Variants in MYO16 observed in about 807,000 individuals in gnomAD.
The protein encoded by MYO16 is unconventional myosin-XVI.
MYO16 carries 94 observed loss-of-function variants against 205.3 expected under a neutral mutation model. The ratio of observed to expected loss-of-function variants is 0.46; its 90% CI spans 0.39 to 0.54. MYO16 has a LOEUF of 0.54. Ranked by LOEUF, MYO16 falls within the 20% of genes least tolerant of loss-of-function variation. The probability of loss-of-function intolerance (pLI) is 0.00; values close to 1 mark genes in which losing one functional copy is unlikely to be tolerated. For missense variants in MYO16, 2,315 were observed against 2,387.5 expected (o/e 0.97, Z 0.63); for synonymous variants, 988 against 954.0 (o/e 1.04, Z -0.66).
intron 28 of MYO16, among the ~76,000 whole-genome samples, chr13:109,115,766 A>G (rs955209958): frequency 6.6e-6 from 1 of 152,218 alleles, no homozygotes; most frequent in African/African-American, 2.4e-5. Context: ...TTCAGAATAT[A>G]TGTGATCTTA....
intron 29 of MYO16, among the ~76,000 whole-genome samples, chr13:109,123,480 A>C (rs1876093859): frequency 6.6e-6 from 1 of 152,166 alleles, no homozygotes; most frequent in Non-Finnish European, 1.5e-5. Context: ...ACGAGTGAAC[A>C]GGCCAATTTC....
chr13:108,991,949 T>C (rs1884847124), intron 20 of MYO16, among the ~76,000 whole-genome samples: 1 of 152,230 alleles, frequency 6.6e-6, no homozygotes, highest in Non-Finnish European at 1.5e-5. Flanking sequence ...TTTTTAAGTT[T>C]AAGGGTGCAT....
chr13:109,013,651 T>C (rs995682314), intron 22 of MYO16, among the ~76,000 whole-genome samples: 2 of 152,134 alleles, frequency 1.3e-5, no homozygotes, highest in Non-Finnish European at 2.9e-5. Flanking sequence ...TTTTAATGAT[T>C]GCCATTCTAA....
intron 23 of MYO16, among the ~76,000 whole-genome samples, chr13:109,023,760 AAT>A (rs1485010360): frequency 1.9e-4 from 20 of 104,906 alleles, no homozygotes; most frequent in Admixed American, 2.0e-4. Flanking sequence ...TATGTATACA[AAT>A]ATGTTTTTAT....
At chr13:108,736,142 T>A (rs195255) in intron 4 of MYO16, among the ~76,000 whole-genome samples, 55 of 152,258 alleles carry the variant, frequency 3.6e-4, no homozygotes, top group African/African-American at 1.1e-3. Context: ...GGAGCTCTTT[T>A]GTTTAATTAG....
the MYO16 span, among the ~76,000 whole-genome samples, chr13:108,497,958 T>C: frequency 3.9e-5 from 6 of 152,322 alleles, no homozygotes; most frequent in Non-Finnish European, 8.8e-5. Flanking sequence ...ATAAAATCTG[T>C]TGGGTGAAGC....
chr13:108,864,251 CT>C (rs1878595611), intron 11 of MYO16, among the ~76,000 whole-genome samples: 1 of 151,810 alleles, frequency 6.6e-6, no homozygotes, highest in African/African-American at 2.4e-5. Flanking sequence ...ATTATCACTC[CT>C]TTTTTCCTTT....
intron 27 of MYO16, among the ~76,000 whole-genome samples, chr13:109,079,435 T>C (rs1284697747): frequency 1.3e-5 from 2 of 151,894 alleles, no homozygotes; most frequent in African/African-American, 4.8e-5. Context: ...TATGCAGCCA[T>C]AAAATTGAAT....
chr13:108,522,417 G>C, the MYO16 span, among the ~76,000 whole-genome samples: 2 of 152,184 alleles, frequency 1.3e-5, no homozygotes, highest in Admixed American at 1.3e-4. Context: ...CTTGAATCCT[G>C]TAATTTCTAA....
At chr13:109,116,716 TTGTC>T in intron 28 of MYO16, among the ~76,000 whole-genome samples, 1 of 152,322 alleles carries the variant, frequency 6.6e-6, no homozygotes, top group East Asian at 1.9e-4. Flanking sequence ...CCTACTTCCT[TTGTC>T]TGAGAGGAGG....
intron 4 of MYO16, among the ~76,000 whole-genome samples, chr13:108,738,888 G>A (rs1278767810): frequency 1.3e-5 from 2 of 152,184 alleles, no homozygotes; most frequent in Admixed American, 6.5e-5. Context: ...TTACTGTTAT[G>A]TAATGGCCTT....
At chr13:108,688,904 C>T (rs1257467902) in intron 2 of MYO16, among the ~76,000 whole-genome samples, 1 of 152,132 alleles carries the variant, frequency 6.6e-6, no homozygotes, top group East Asian at 1.9e-4. Flanking sequence ...GCCTCGGTTT[C>T]CTTACTAACC....
chr13:108,823,489 A>G (rs1412332622), intron 9 of MYO16, among the ~76,000 whole-genome samples: 1 of 152,196 alleles, frequency 6.6e-6, no homozygotes, highest in Admixed American at 6.6e-5. Context: ...TTACTATATC[A>G]GTTATTAAAT....
At chr13:108,958,502 T>C (rs1249309075) in intron 17 of MYO16, among the ~76,000 whole-genome samples, 1 of 152,136 alleles carries the variant, frequency 6.6e-6, no homozygotes, top group Non-Finnish European at 1.5e-5. Flanking sequence ...AACTTTTAGA[T>C]CATGGCCGTG....
chr13:108,812,702 T>A (rs1358472597), intron 7 of MYO16, among the ~76,000 whole-genome samples: 5 of 152,134 alleles, frequency 3.3e-5, no homozygotes, highest in African/African-American at 7.2e-5. Context: ...TCAAAATTAA[T>A]CCCCAGTGCA....
chr13:109,046,347 C>T (rs1005420132), intron 23 of MYO16, among the ~76,000 whole-genome samples: 1 of 152,174 alleles, frequency 6.6e-6, no homozygotes, highest in African/African-American at 2.4e-5. Context: ...TCAAGTTTCT[C>T]AGCCTCTACT....
At chr13:109,066,837 C>T (rs1234605540) in intron 27 of MYO16, among the ~76,000 whole-genome samples, 1 of 152,110 alleles carries the variant, frequency 6.6e-6, no homozygotes, top group Non-Finnish European at 1.5e-5. Flanking sequence ...TTGATCTACT[C>T]GCACTCAGCT....
intron 6 of MYO16, among the ~76,000 whole-genome samples, chr13:108,797,024 C>T (rs1338863046): frequency 6.6e-6 from 1 of 151,972 alleles, no homozygotes; most frequent in Non-Finnish European, 1.5e-5. Flanking sequence ...GTAATCTAGG[C>T]AATCAGTAAT....
intron 20 of MYO16, among the ~76,000 whole-genome samples, chr13:108,986,029 AG>A (rs1412873623): frequency 6.6e-5 from 10 of 152,320 alleles, no homozygotes; most frequent in South Asian, 2.1e-4. Flanking sequence ...AAGGAGGAGC[AG>A]AGGCACATCT....
Sources: gnomAD v4.1 joint callset for allele counts (sites outside exome capture counted in the v4.1 genomes callset) on GRCh38, gnomAD v4.1.1 for gene constraint, MANE v1.5 for transcripts, NCBI Gene and HGNC (gene_info 2026-07-23, HGNC 2026-07-21) for gene names.